The following HYCC1 variants were observed in gnomAD, a reference collection of about 807,000 sequenced individuals.
HYCC1 encodes the protein hyccin PI4KA lipid kinase complex subunit 1.
At chr7:22,982,599 T>C in the HYCC1 span, among the ~76,000 whole-genome samples, 7 of 152,182 alleles carry the variant, frequency 4.6e-5, no homozygotes, top group Non-Finnish European at 1.0e-4. Flanking sequence ...AAAGGAATTA[T>C]GTACTTCAGA....
the HYCC1 span, among the ~76,000 whole-genome samples, chr7:22,954,567 T>C: frequency 2.0e-5 from 3 of 151,450 alleles, no homozygotes; most frequent in Non-Finnish European, 3.0e-5. Context: ...TTATTTTAAA[T>C]GCTGAAAAAT....
chr7:22,979,277 A>G, the HYCC1 span, among the ~76,000 whole-genome samples: 3 of 152,232 alleles, frequency 2.0e-5, no homozygotes, highest in Admixed American at 6.5e-5. Flanking sequence ...TGTTTATAAA[A>G]GGTATAACAA....
At chr7:22,899,808 A>G in the HYCC1 span, among the ~76,000 whole-genome samples, 1 of 152,198 alleles carries the variant, frequency 6.6e-6, no homozygotes, top group Non-Finnish European at 1.5e-5. Flanking sequence ...TTAAAATGGG[A>G]AAGGAACTAG....
the HYCC1 span, among the ~76,000 whole-genome samples, chr7:22,917,001 C>G: frequency 6.6e-6 from 1 of 152,190 alleles, no homozygotes; most frequent in Non-Finnish European, 1.5e-5. Context: ...AATAAAAACT[C>G]TTCTCAAGGT....
chr7:22,965,789 A>G, the HYCC1 span, among the ~76,000 whole-genome samples: 1 of 151,930 alleles, frequency 6.6e-6, no homozygotes. Context: ...GCTGTTTAAA[A>G]CAAAATTTTT....
At chr7:22,974,485 G>C in the HYCC1 span, among the ~76,000 whole-genome samples, 1 of 152,120 alleles carries the variant, frequency 6.6e-6, no homozygotes, top group African/African-American at 2.4e-5. Flanking sequence ...CTTGGTGAGT[G>C]GGAGAGATGA....
the HYCC1 span, among the ~76,000 whole-genome samples, chr7:22,901,893 T>C: frequency 1.3e-5 from 2 of 152,180 alleles, no homozygotes. Flanking sequence ...ATTCAGGACA[T>C]AGTAGATTTG....
At chr7:22,949,933 A>T in the HYCC1 span, among the ~76,000 whole-genome samples, 21 of 152,200 alleles carry the variant, frequency 1.4e-4, no homozygotes, top group African/African-American at 5.1e-4. Flanking sequence ...TGCTTATTAA[A>T]TTTATAAGAA....
the HYCC1 span, among the ~76,000 whole-genome samples, chr7:22,994,488 G>A: frequency 1.3e-5 from 2 of 152,004 alleles, no homozygotes; most frequent in African/African-American, 4.8e-5. Flanking sequence ...TATACATTTG[G>A]TGAAAATTTG....
At chr7:22,976,595 T>C in the HYCC1 span, 1 of 790,566 alleles carries the variant, frequency 1.3e-6, no homozygotes, top group East Asian at 2.6e-5. Context: ...AAATAAATTG[T>C]CACACACAAC....
chr7:23,009,094 T>C, the HYCC1 span, among the ~76,000 whole-genome samples: 1 of 152,074 alleles, frequency 6.6e-6, no homozygotes, highest in Non-Finnish European at 1.5e-5. Context: ...AAAAGCCTAA[T>C]AGTTTGTATA....
the HYCC1 span, among the ~76,000 whole-genome samples, chr7:22,980,138 T>C: frequency 1.3e-5 from 2 of 152,006 alleles, no homozygotes; most frequent in Non-Finnish European, 2.9e-5. Context: ...ACCTGAAAAA[T>C]GTCAGGAAGA....
chr7:22,915,082 C>G, the HYCC1 span, among the ~76,000 whole-genome samples: 1 of 152,162 alleles, frequency 6.6e-6, no homozygotes, highest in Non-Finnish European at 1.5e-5. Flanking sequence ...TGGCAACAAC[C>G]CTTAGACGCT....
the HYCC1 span, among the ~76,000 whole-genome samples, chr7:22,992,588 T>C: frequency 1.3e-5 from 2 of 152,146 alleles, no homozygotes; most frequent in African/African-American, 4.8e-5. Flanking sequence ...TTGTTTGTTT[T>C]TATATTATGA....
chr7:22,897,243 G>A, the HYCC1 span, among the ~76,000 whole-genome samples: 1 of 152,190 alleles, frequency 6.6e-6, no homozygotes, highest in African/African-American at 2.4e-5. Flanking sequence ...AGAAGGAAAT[G>A]AGGGAGGTAC....
chr7:22,999,776 A>G, the HYCC1 span, among the ~76,000 whole-genome samples: 1 of 152,204 alleles, frequency 6.6e-6, no homozygotes, highest in African/African-American at 2.4e-5. Flanking sequence ...AGTTTGCACC[A>G]TTAGCAAAAG....
chr7:22,957,553 G>C, the HYCC1 span, among the ~76,000 whole-genome samples: 1 of 151,888 alleles, frequency 6.6e-6, no homozygotes, highest in African/African-American at 2.4e-5. Context: ...AGGAAAAAAA[G>C]AATATTTCTT....
chr7:22,937,680 T>C, the HYCC1 span: 2 of 152,210 alleles, frequency 1.3e-5, no homozygotes, highest in Admixed American at 1.3e-4. Context: ...TTATATTCTA[T>C]CTAGTAAAAC....
At chr7:22,983,202 G>A in the HYCC1 span, among the ~76,000 whole-genome samples, 6 of 151,700 alleles carry the variant, frequency 4.0e-5, no homozygotes, top group East Asian at 7.8e-4. Context: ...GATGGTGCAC[G>A]ACTGAAGTAC....
Sources: gnomAD v4.1 joint callset for allele counts (sites outside exome capture counted in the v4.1 genomes callset) on GRCh38, gnomAD v4.1.1 for gene constraint, MANE v1.5 for transcripts, NCBI Gene and HGNC (gene_info 2026-07-23, HGNC 2026-07-21) for gene names.